RBFOX1: variants seen among roughly 807,000 people sequenced by gnomAD.
The protein encoded by RBFOX1 is RNA binding protein fox-1 homolog 1.
In RBFOX1, 8 loss-of-function variants were observed where a neutral mutation model predicts 57.7. That is an observed-to-expected ratio of 0.14 (90% CI 0.08 to 0.25). RBFOX1 has a LOEUF of 0.25. Ranked by LOEUF, RBFOX1 falls within the 10% of genes least tolerant of loss-of-function variation. RBFOX1 has a pLI of 1.00. For synonymous variants in RBFOX1, 326 were observed against 222.4 expected (o/e 1.47, Z -4.15); for missense variants, 611 against 548.5 (o/e 1.11, Z -1.14).
intron 3 of RBFOX1, among the ~76,000 whole-genome samples, chr16:5,733,086 C>T (rs757479572): frequency 2.6e-5 from 4 of 152,078 alleles, no homozygotes; most frequent in Non-Finnish European, 5.9e-5. Context: ...TATCAATACA[C>T]CTGACTTCCA....
intron 2 of RBFOX1, chr16:5,467,282 G>T: frequency 1.4e-6 from 2 of 1,468,850 alleles, no homozygotes; most frequent in Non-Finnish European, 1.8e-6. Context: ...CCTGACTTAG[G>T]ATGTCTGTGA....
chr16:7,607,186 A>G, intron 9 of RBFOX1, 99 bp from the exon 10 acceptor site: 1 of 1,111,140 alleles, frequency 9.0e-7, no homozygotes, highest in Non-Finnish European at 1.3e-6. Context: ...TTAAAATACA[A>G]AATGAGATAC....
intron 3 of RBFOX1, among the ~76,000 whole-genome samples, chr16:6,953,209 G>A (rs73545331): frequency 0.2 from 30,245 of 151,692 alleles, 3,231 homozygotes; most frequent in South Asian, 0.25. Flanking sequence ...GTATGTGTCC[G>A]GTGCTCTCAG....
At position 5,559,691 on chromosome 16, in the gene RBFOX1, A is replaced by G. The variant is rs559524133; in HGVS notation, c.259-39211A>G. ...TCCTCTTTCCCCTTGGAATGTAAAT[A>G]AACTTCCCAAATCTCTTTCTTCCTA... On this transcript the variant is annotated intron_variant, in intron 2 of 2. Transcript: ENST00000585867. Among the ~76,000 whole-genome samples the G allele has an allele frequency of 7.2e-5, 11 of 152,302 alleles. No individual in the cohort carries two copies. In the South Asian group the frequency reaches 2.3e-3, roughly 32 times the overall value.
intron 13 of RBFOX1, among the ~76,000 whole-genome samples, chr16:7,675,447 T>C (rs562364646): frequency 6.6e-6 from 1 of 152,172 alleles, no homozygotes; most frequent in Admixed American, 6.5e-5. Context: ...TTGGTGATTA[T>C]GTGGCAGGAT....
intron 2 of RBFOX1, among the ~76,000 whole-genome samples, chr16:6,558,204 G>A (rs1003742551): frequency 6.6e-6 from 1 of 152,116 alleles, no homozygotes; most frequent in African/African-American, 2.4e-5. Context: ...CAGGTGTGTT[G>A]GGTTAGTGAT....
chr16:5,861,024 G>A (rs925607297), intron 3 of RBFOX1, among the ~76,000 whole-genome samples: 3 of 152,216 alleles, frequency 2.0e-5, no homozygotes, highest in African/African-American at 7.2e-5. Context: ...CTGGGTTTGA[G>A]CTTTGTGGCT....
intron 3 of RBFOX1, among the ~76,000 whole-genome samples, chr16:6,979,541 T>C (rs998951573): frequency 6.6e-6 from 1 of 152,188 alleles, no homozygotes; most frequent in African/African-American, 2.4e-5. Flanking sequence ...TTCAATTGGA[T>C]ACAGCAATGC....
chr16:7,656,466 T>C (rs977033717), intron 12 of RBFOX1, among the ~76,000 whole-genome samples: 1 of 151,666 alleles, frequency 6.6e-6, no homozygotes, highest in Admixed American at 6.5e-5. Flanking sequence ...CCCTATCTTG[T>C]GTTCAGGGAG....
At chr16:5,419,705 C>T (rs1281266260) in intron 1 of RBFOX1, among the ~76,000 whole-genome samples, 4 of 152,008 alleles carry the variant, frequency 2.6e-5, no homozygotes, top group African/African-American at 9.7e-5. Context: ...GGCAGGGCTC[C>T]CAGTGAGCCT....
At chr16:6,036,171 T>C (rs1449084235) in intron 1 of RBFOX1, among the ~76,000 whole-genome samples, 1 of 152,134 alleles carries the variant, frequency 6.6e-6, no homozygotes, top group East Asian at 1.9e-4. Context: ...GCAAAGAACA[T>C]TGAGAAGCTG....
chr16:6,122,259 C>T (rs563444020), intron 1 of RBFOX1, among the ~76,000 whole-genome samples: 3 of 151,902 alleles, frequency 2.0e-5, no homozygotes, highest in Non-Finnish European at 2.9e-5. Context: ...TCCTGATTGT[C>T]TCATCTGCTA....
At chr16:5,598,821 A>T in intron 2 of RBFOX1, 3 of 1,093,070 alleles carry the variant, frequency 2.7e-6, no homozygotes, top group Non-Finnish European at 3.8e-6. Context: ...GGTTGTGCTA[A>T]ACTGGGTTAC....
intron 4 of RBFOX1, among the ~76,000 whole-genome samples, chr16:5,875,573 C>G (rs1381640757): frequency 6.6e-6 from 1 of 152,166 alleles, no homozygotes; most frequent in Non-Finnish European, 1.5e-5. Context: ...ATAATACACA[C>G]TAGTCGTTGT....
At chr16:6,477,932 C>G (rs1002263528) in intron 2 of RBFOX1, among the ~76,000 whole-genome samples, 2 of 152,162 alleles carry the variant, frequency 1.3e-5, no homozygotes, top group African/African-American at 4.8e-5. Context: ...CCTCATGAAC[C>G]AACCTCTGCT....
intron 4 of RBFOX1, among the ~76,000 whole-genome samples, chr16:7,273,317 C>T (rs563104322): frequency 1.3e-5 from 2 of 149,258 alleles, no homozygotes; most frequent in Non-Finnish European, 3.0e-5. Flanking sequence ...GTTTTGGAAA[C>T]AGCACTCTCT....
chr16:6,403,453 A>C (rs1024830353), intron 2 of RBFOX1, among the ~76,000 whole-genome samples: 4 of 151,984 alleles, frequency 2.6e-5, no homozygotes, highest in Non-Finnish European at 5.9e-5. Context: ...AGCCTGGACC[A>C]CCGGAGCTCA....
chr16:6,849,791 C>A (rs189678065), intron 3 of RBFOX1, among the ~76,000 whole-genome samples: 1 of 152,204 alleles, frequency 6.6e-6, no homozygotes, highest in Non-Finnish European at 1.5e-5. Context: ...CAAGAAGCCA[C>A]CTTGATTTCT....
chr16:6,290,662 G>T (rs113778659), intron 1 of RBFOX1, among the ~76,000 whole-genome samples: 1 of 152,166 alleles, frequency 6.6e-6, no homozygotes, highest in African/African-American at 2.4e-5. Flanking sequence ...GAAATTTTAC[G>T]TATCAGGTGT....
Sources: gnomAD v4.1 joint callset for allele counts (sites outside exome capture counted in the v4.1 genomes callset) on GRCh38, gnomAD v4.1.1 for gene constraint, MANE v1.5 for transcripts, NCBI Gene and HGNC (gene_info 2026-07-23, HGNC 2026-07-21) for gene names.